Variants in KCNQ1 observed in about 807,000 individuals in gnomAD.
KCNQ1 encodes the protein potassium voltage-gated channel subfamily Q member 1.
A neutral mutation model predicts 72.4 loss-of-function variants in KCNQ1; 49 were observed. The ratio of observed to expected loss-of-function variants is 0.68; its 90% CI spans 0.54 to 0.86. The LOEUF is 0.86. Ranked by LOEUF, KCNQ1 falls within the 40% of genes least tolerant of loss-of-function variation. KCNQ1 has a pLI of 0.00. For missense variants in KCNQ1, 790 were observed against 945.1 expected, an observed-to-expected ratio of 0.84 and a Z score of 2.15; for synonymous variants, 450 against 412.6, an observed-to-expected ratio of 1.09 and a Z score of -1.10.
At chr11:2,605,644 ATATC>A (rs1185314064) in intron 10 of KCNQ1, among the ~76,000 whole-genome samples, 6 of 152,304 alleles carry the variant, frequency 3.9e-5, no homozygotes, top group African/African-American at 1.2e-4. Context: ...CTTGATCTAC[ATATC>A]TATCTCATGC....
At chr11:2,727,485 G>A (rs1845784230) in intron 11 of KCNQ1, among the ~76,000 whole-genome samples, 1 of 152,176 alleles carries the variant, frequency 6.6e-6, no homozygotes, top group African/African-American at 2.4e-5. Context: ...CCAGACTCGA[G>A]GAATAAAGAG....
rs993823368 is a variant in KCNQ1 at position 2,600,589 on chromosome 11, G to A, written c.1393+11735G>A. ...AATAAAGATATTATCTTTGAAAGCA[G>A]TAATACAGTTATTGACTTCTGCAAT... On this transcript the variant is annotated intron_variant, in intron 10 of 15. Coordinates refer to ENST00000155840, the MANE Select transcript of KCNQ1 (RefSeq NM_000218.3). This position sits in a 1 kb window ranked among gnomAD's most constrained non-coding sequence, Gnocchi z 5.6. Among the ~76,000 whole-genome samples, 4 of 152,174 alleles carry A rather than the reference G, an allele frequency of 2.6e-5. No individual in the cohort carries two copies. Among genetic ancestry groups the A allele is most frequent in the African/African-American group, 9.7e-5 (4 of 41,430 alleles).
At position 2,830,045 on chromosome 11, in the gene KCNQ1, AGGAGGAG is replaced by A. The variant is rs1283365210; in HGVS notation, c.1795-17708_1795-17702del. Among the ~76,000 whole-genome samples the A allele has an allele frequency of 1.4e-5, 2 of 142,204 alleles. No individual in the cohort carries two copies. The highest frequency in any genetic ancestry group is 3.1e-5 in the Non-Finnish European group (2 of 64,544). 93.3% of individuals were successfully genotyped at this position (142,204 alleles called of 152,430 possible). On this transcript the variant is annotated intron_variant, in intron 15 of 15. Transcript: ENST00000155840. The surrounding 1 kb of genome is among the most constrained non-coding windows in gnomAD (Gnocchi z 7.7). ...GAGGAGGAAGGAGGAGGGAGGAGGA[AGGAGGAG>A]GGAGGAGGGAGGAAGAGAGAGAAGG... is the stretch of plus-strand genomic sequence containing the variant.
chr11:2,528,115 T>A, intron 2 of KCNQ1, 97 bp downstream of exon 2: 1 of 1,034,124 alleles, frequency 9.7e-7, no homozygotes, highest in Non-Finnish European at 1.5e-6. Context: ...GCAGAGCCAC[T>A]CCCAGCCCCT....
intron 2 of KCNQ1, among the ~76,000 whole-genome samples, chr11:2,569,439 G>A (rs1288386974): frequency 6.6e-6 from 1 of 152,212 alleles, no homozygotes; most frequent in Non-Finnish European, 1.5e-5. Context: ...GCTCATAGTG[G>A]ACTCCCTGGT....
Position 2,642,374 on chromosome 11 carries a change from GAT to G in KCNQ1, c.1394-19585_1394-19584del. On this transcript the variant is annotated intron_variant, in intron 10 of 15. Transcript: ENST00000155840. The surrounding 1 kb of genome is among the most constrained non-coding windows in gnomAD (Gnocchi z 4.3). The stretch of plus-strand genomic sequence containing the variant: ...TAGATTTTTTGTAGTGGTTGTAAAA[GAT>G]AATGCCTTCTTGATTTCTTTCTCAG... 1 of 398,162 alleles carries G rather than the reference GAT, an allele frequency of 2.5e-6. No individual in the cohort carries two copies. Among genetic ancestry groups the G allele is most frequent in the Admixed American group, 4.4e-5 (1 of 22,722 alleles). 24.7% of individuals were successfully genotyped at this position (398,162 alleles called of 1,614,324 possible).
chr11:2,822,728 A>T (rs1020012224), intron 15 of KCNQ1, among the ~76,000 whole-genome samples: 2 of 152,168 alleles, frequency 1.3e-5, no homozygotes, highest in Non-Finnish European at 2.9e-5. Context: ...TAGGGAGGGA[A>T]GGTGGAGTCC....
At chr11:2,499,242 A>C (rs1846969417) in intron 1 of KCNQ1, among the ~76,000 whole-genome samples, 1 of 152,194 alleles carries the variant, frequency 6.6e-6, no homozygotes, top group African/African-American at 2.4e-5. Context: ...AGTCATCATC[A>C]GTTTAAAATA....
chr11:2,455,298 C>G (rs1589889243), intron 1 of KCNQ1, among the ~76,000 whole-genome samples: 1 of 151,674 alleles, frequency 6.6e-6, no homozygotes, highest in African/African-American at 2.4e-5. Flanking sequence ...CGGGGTTTCA[C>G]CGTGTTAGCC....
intron 1 of KCNQ1, among the ~76,000 whole-genome samples, chr11:2,527,170 C>CCTTCCCTTT (rs1404314602): frequency 6.6e-6 from 1 of 152,316 alleles, no homozygotes; most frequent in Admixed American, 6.5e-5. Flanking sequence ...GCTCTGTGCG[C>CCTTCCCTTT]CTTCCCTTTC....
At chr11:2,717,442 G>C (rs1216748605) in intron 11 of KCNQ1, among the ~76,000 whole-genome samples, 1 of 152,184 alleles carries the variant, frequency 6.6e-6, no homozygotes, top group Non-Finnish European at 1.5e-5. Flanking sequence ...AGACTTCTGG[G>C]TAGCCCAGGT....
chr11:2,573,283 G>A (rs968511753), intron 6 of KCNQ1, among the ~76,000 whole-genome samples: 15 of 152,120 alleles, frequency 9.9e-5, no homozygotes, highest in Admixed American at 8.5e-4. Flanking sequence ...TAGCGGTTTC[G>A]GCTCCCCCAT....
chr11:2,770,550 T>C (rs1846576871), intron 12 of KCNQ1, among the ~76,000 whole-genome samples: 1 of 152,228 alleles, frequency 6.6e-6, no homozygotes, highest in South Asian at 2.1e-4. Context: ...GTTTCTCAGC[T>C]GGCCCTCCCA....
intron 6 of KCNQ1, among the ~76,000 whole-genome samples, chr11:2,574,093 G>A (rs924541748): frequency 2.0e-5 from 3 of 152,222 alleles, no homozygotes; most frequent in African/African-American, 4.8e-5. Flanking sequence ...GGAACACGTG[G>A]GTACCCCGAG....
rs778879438 is a variant in KCNQ1, at chr11:2,695,186, C to T, written c.1514+33105C>T. 4.8e-5 allele frequency: 19 copies of T among 398,514 alleles called. No individual in the cohort carries two copies. The highest frequency in any genetic ancestry group is 2.3e-4 in the African/African-American group (11 of 48,618). The allele number at this position is 398,514 out of a possible 1,614,324, so 24.7% of individuals were successfully genotyped here. The stretch of plus-strand genomic sequence containing the variant: ...GCACAGAGTTGATCACAGCCCTCAG[C>T]CTATGAAACACTGTCACCCTGTAAG... On this transcript the variant is annotated intron_variant, in intron 11 of 15. Coordinates refer to ENST00000155840, the MANE Select transcript of KCNQ1 (RefSeq NM_000218.3). The surrounding 1 kb of genome is among the most constrained non-coding windows in gnomAD (Gnocchi z 5.2).
intron 11 of KCNQ1, among the ~76,000 whole-genome samples, chr11:2,707,607 A>G (rs1164401818): frequency 2.0e-5 from 3 of 152,204 alleles, no homozygotes; most frequent in Admixed American, 2.0e-4. Context: ...GGCACACTCC[A>G]AGCAGGGAGG....
intron 11 of KCNQ1, chr11:2,662,547 T>C: frequency 9.3e-6 from 4 of 428,160 alleles, no homozygotes; most frequent in Non-Finnish European, 1.6e-5. Flanking sequence ...CGCCTTCCAG[T>C]TGGCCTTCCC....
rs899583590 is a variant in KCNQ1, at chr11:2,742,121, A to G, written c.1515-26723A>G. On this transcript the variant is annotated intron_variant, in intron 11 of 15. Coordinates refer to ENST00000155840, the MANE Select transcript of KCNQ1 (RefSeq NM_000218.3). ...GTAGAAGGAAGAAAAATAAGTTCTG[A>G]AAGAAACAGACTTGCCCTGCCTCTG... Among the ~76,000 whole-genome samples, 5 of 152,272 alleles carry G rather than the reference A, an allele frequency of 3.3e-5. No individual in the cohort carries two copies. In the East Asian group the frequency reaches 9.6e-4, roughly 29 times the overall value.
rs1189168550 is a variant in KCNQ1 at position 2,664,955 on chromosome 11, C to T, written c.1514+2874C>T. On this transcript the variant is annotated intron_variant, in intron 11 of 15. Transcript: ENST00000155840. The surrounding 1 kb of genome is among the most constrained non-coding windows in gnomAD (Gnocchi z 5.1). ...CCCAGAGAGGTGAGGTCACTATAGC[C>T]TTGATTACGGGAAGGTCCCTGGGGC... The T allele has an allele frequency of 1.0e-5, 4 of 398,498 alleles. No individual in the cohort carries two copies. The highest frequency in any genetic ancestry group is 1.8e-5 in the Non-Finnish European group (4 of 226,084). 24.7% of individuals were successfully genotyped at this position (398,498 alleles called of 1,614,324 possible).
Sources: allele counts gnomAD v4.1 joint callset (sites outside exome capture counted in the v4.1 genomes callset), GRCh38; gene constraint gnomAD v4.1.1; non-coding constraint Gnocchi (gnomAD v3.1); transcripts MANE v1.5; gene names NCBI Gene and HGNC (gene_info 2026-07-23, HGNC 2026-07-21).